The following MAN2B2 variants were observed in gnomAD, a reference collection of about 807,000 sequenced individuals.
MAN2B2 encodes epididymis-specific alpha-mannosidase.
A neutral mutation model predicts 117.1 loss-of-function variants in MAN2B2; 106 were observed. The ratio of observed to expected loss-of-function variants is 0.90; its 90% CI spans 0.77 to 1.06. The LOEUF (loss-of-function observed/expected upper bound fraction) is 1.06, where lower values mean the gene tolerates loss of function less well. Ranked by LOEUF, MAN2B2 falls within the 50% of genes least tolerant of loss-of-function variation. The pLI, the probability that MAN2B2 is intolerant of heterozygous loss-of-function variation, is 0.00. For synonymous variants in MAN2B2, 544 were observed against 595.1 expected (o/e 0.91, Z 1.25); for missense variants, 1,326 against 1,381.4 (o/e 0.96, Z 0.64).
At chr4:6,578,128 A>C (rs1005686401) in intron 2 of MAN2B2, among the ~76,000 whole-genome samples, 6 of 152,148 alleles carry the variant, frequency 3.9e-5, no homozygotes, top group Middle Eastern at 3.2e-3. Context: ...AACTTTTCTA[A>C]AGTTTAGAAT....
intron 4 of MAN2B2, among the ~76,000 whole-genome samples, chr4:6,588,481 G>T (rs1461651539): frequency 6.6e-6 from 1 of 152,166 alleles, no homozygotes; most frequent in Non-Finnish European, 1.5e-5. Context: ...AGCCCTTTGG[G>T]AGGTGGGCAG....
At chr4:6,581,815 C>T (rs1456098749) in intron 3 of MAN2B2, among the ~76,000 whole-genome samples, 1 of 151,856 alleles carries the variant, frequency 6.6e-6, no homozygotes, top group Non-Finnish European at 1.5e-5. Context: ...CCCGTAAGCT[C>T]ACCTTTCCAG....
chr4:6,603,423 A>C (rs1013705878), intron 10 of MAN2B2, among the ~76,000 whole-genome samples: 29 of 152,052 alleles, frequency 1.9e-4, no homozygotes, highest in Non-Finnish European at 3.7e-4. Flanking sequence ...GACAGTGTGG[A>C]GTGGTGACTC....
Position 6,597,286 on chromosome 4 carries a change from CG to C in MAN2B2, c.1232del (p.Arg411ProfsTer21), listed in dbSNP as rs753947614. On this transcript the variant is annotated frameshift_variant, in exon 8 of 19. Transcript: ENST00000285599. LOFTEE classifies it high-confidence loss of function. ...GGCCCTGCAGCAGCTCCAGCAGCTT[CG>C]CTGGGCCGTCTCCGAGGTAACACCA... is the stretch of plus-strand genomic sequence containing the variant. ...TWALQQLQQLRWAVSEVQHHD... is the reference protein window; with the variant it reads ...TWALQQLQQLXWAVSEVQHHD... 4.0e-5 allele frequency: 62 copies of C among 1,556,828 alleles called. No individual in the cohort carries two copies. In the African/African-American group the frequency reaches 8.3e-4, roughly 21 times the overall value.
rs1270630182 is a variant in MAN2B2 at position 6,622,430 on chromosome 4, A to G, written c.*1145A>G. 2.9e-5 allele frequency: 4 copies of G among 138,488 alleles called. No homozygotes were observed. Among genetic ancestry groups the G allele is most frequent in the Non-Finnish European group, 6.2e-5 (4 of 64,752 alleles). The allele number at this position is 138,488 out of a possible 1,614,324, so 8.6% of individuals were successfully genotyped here. A position where few individuals can be genotyped will look rare whatever the true frequency, so the allele number is the denominator to read the frequency against. On this transcript the variant is annotated 3_prime_UTR_variant, in exon 19 of 19. Coordinates refer to ENST00000285599, the MANE Select transcript of MAN2B2 (RefSeq NM_015274.3). ...TTTATGGTCTGTGAATTATATCTCA[A>G]TTTTAAAACTTTTTTTTTTTTTTCC...
At chr4:6,614,719 A>T (rs1477946738) in intron 16 of MAN2B2, among the ~76,000 whole-genome samples, 1 of 152,204 alleles carries the variant, frequency 6.6e-6, no homozygotes, top group East Asian at 1.9e-4. Flanking sequence ...AAACACCCAA[A>T]TTCCCACTCA....
intron 10 of MAN2B2, among the ~76,000 whole-genome samples, chr4:6,604,268 G>T (rs892154576): frequency 6.6e-6 from 1 of 152,172 alleles, no homozygotes; most frequent in Non-Finnish European, 1.5e-5. Flanking sequence ...GTCTCGAAAA[G>T]CTTGCTTTGG....
chr4:6,586,377 C>T (rs947441429), intron 3 of MAN2B2, among the ~76,000 whole-genome samples: 8 of 152,188 alleles, frequency 5.3e-5, no homozygotes, highest in Admixed American at 3.3e-4. Context: ...TCTTTTGAAC[C>T]ACCGCACACT....
intron 9 of MAN2B2, 50 bp downstream of exon 9, chr4:6,598,404 C>T (rs1483730471): frequency 1.3e-6 from 2 of 1,577,144 alleles, no homozygotes; most frequent in African/African-American, 2.7e-5. Context: ...AAGGGAGAGC[C>T]TGAGGAGGTC....
Position 6,621,404 on chromosome 4 carries a change from C to T in MAN2B2, c.*119C>T. 1.4e-6 allele frequency: 1 copy of T among 711,726 alleles called. No individual in the cohort carries two copies. Among genetic ancestry groups the T allele is most frequent in the Non-Finnish European group, 2.3e-6 (1 of 444,122 alleles). The allele number at this position is 711,726 out of a possible 1,614,324, so 44.1% of individuals were successfully genotyped here. A position where few individuals can be genotyped will look rare whatever the true frequency, so the allele number is the denominator to read the frequency against. ...GACTGGGGAGTCAGCTGCTCATCTG[C>T]AGGCTAATGGCAGGAAATGGTCATA... is the stretch of plus-strand genomic sequence containing the variant. On this transcript the variant is annotated 3_prime_UTR_variant, in exon 19 of 19. Coordinates refer to ENST00000285599, the MANE Select transcript of MAN2B2 (RefSeq NM_015274.3).
chr4:6,594,761 G>A (rs1406910192), intron 7 of MAN2B2, 29 bp downstream of exon 7: 7 of 1,586,070 alleles, frequency 4.4e-6, no homozygotes, highest in South Asian at 1.1e-5. Flanking sequence ...TGGGGTGGTA[G>A]TTTGGTGGCA....
intron 8 of MAN2B2, 124 bp from the exon 9 acceptor site, chr4:6,598,074 T>A (rs1186346912): frequency 1.9e-6 from 2 of 1,030,048 alleles, no homozygotes; most frequent in Non-Finnish European, 2.9e-6. Flanking sequence ...TGGCGGGGAC[T>A]GCCCCCTTCT....
rs867459303 is a variant in MAN2B2, at chr4:6,579,051, T to C, written c.391+553T>C. On this transcript the variant is annotated intron_variant, in intron 3 of 18. Transcript: ENST00000285599. ...ATCACCACTACCACCATCACCACCA[T>C]CACCACCACCATCACCATCACCACC... Among the ~76,000 whole-genome samples, 403 of 33,788 alleles carry C rather than the reference T, an allele frequency of 0.012. 1 individual carries two copies. The Middle Eastern group carries it at 0.2, about 17-fold the overall frequency. 22.2% of individuals were successfully genotyped at this position (33,788 alleles called of 152,430 possible).
chr4:6,595,257 G>A (rs1316817979), intron 7 of MAN2B2, among the ~76,000 whole-genome samples: 1 of 152,224 alleles, frequency 6.6e-6, no homozygotes, highest in Non-Finnish European at 1.5e-5. Flanking sequence ...CTGTGTGCAA[G>A]TCATGAAACC....
Position 6,617,375 on chromosome 4 carries a change from C to G in MAN2B2, c.2702-5C>G, listed in dbSNP as rs1279226387. On this transcript the variant is annotated splice_region_variant and splice_polypyrimidine_tract_variant and intron_variant, in intron 16 of 18. Transcript: ENST00000285599. ...TTCACTGCCACCTTCCTTCTGTCCC[C>G]AAAGGCCATCGAGGGGAAGCCCAGG... The G allele has an allele frequency of 6.2e-7, 1 of 1,613,472 alleles. No homozygotes were observed. Among genetic ancestry groups the G allele is most frequent in the Non-Finnish European group, 8.5e-7 (1 of 1,179,592 alleles).
intron 16 of MAN2B2, 120 bp downstream of exon 16, chr4:6,614,475 G>C: frequency 8.1e-7 from 1 of 1,239,564 alleles, no homozygotes; most frequent in Non-Finnish European, 1.1e-6. Context: ...AAGGTCACCT[G>C]GTTTCTTATC....
intron 3 of MAN2B2, among the ~76,000 whole-genome samples, chr4:6,585,060 G>A (rs1211930565): frequency 6.6e-6 from 1 of 151,872 alleles, no homozygotes; most frequent in Non-Finnish European, 1.5e-5. Flanking sequence ...CCACCCTCTG[G>A]CTGCTCCTTC....
intron 3 of MAN2B2, among the ~76,000 whole-genome samples, chr4:6,579,910 T>A (rs1726363173): frequency 6.6e-6 from 1 of 152,190 alleles, no homozygotes. Context: ...CCAGTTTCAT[T>A]TTGCAGATGT....
rs1009189855 is a variant in MAN2B2, at chr4:6,622,229, C to T, written c.*944C>T. ...TGTGAAATGTCCAGAATAGGCAAAT[C>T]TGTGTATCAGAGACAAAGCACATTG... On this transcript the variant is annotated 3_prime_UTR_variant, in exon 19 of 19. Coordinates refer to ENST00000285599, the MANE Select transcript of MAN2B2 (RefSeq NM_015274.3). 2.0e-5 allele frequency: 3 copies of T among 152,188 alleles called. No individual in the cohort carries two copies. The highest frequency in any genetic ancestry group is 7.2e-5 in the African/African-American group (3 of 41,424). 9.4% of individuals were successfully genotyped at this position (152,188 alleles called of 1,614,324 possible). A position where few individuals can be genotyped will look rare whatever the true frequency, so the allele number is the denominator to read the frequency against.
Sources: gnomAD v4.1 joint callset for allele counts (sites outside exome capture counted in the v4.1 genomes callset) on GRCh38, gnomAD v4.1.1 for gene constraint, MANE v1.5 for transcripts, NCBI Gene and HGNC (gene_info 2026-07-23, HGNC 2026-07-21) for gene names.